ARHGAP6: variants seen among roughly 807,000 people sequenced by gnomAD.
The protein encoded by ARHGAP6 is Rho GTPase activating protein 6.
Under a neutral mutation model 55.7 loss-of-function variants are expected in ARHGAP6, and 16 were observed. That is an observed-to-expected ratio of 0.29 (90% CI 0.19 to 0.44). The LOEUF (loss-of-function observed/expected upper bound fraction) is 0.44. Among genes scored for constraint, ARHGAP6 ranks in the 20% least tolerant of loss-of-function variants. The pLI is 1.00. For synonymous variants in ARHGAP6, 382 were observed against 360.9 expected (o/e 1.06, Z -0.66); for missense variants, 698 against 808.9 (o/e 0.86, Z 1.66).
intron 1 of ARHGAP6, among the ~76,000 whole-genome samples, chrX:11,303,151 T>C (rs369771130): frequency 2.5e-4 from 28 of 112,819 alleles, no homozygotes; most frequent in African/African-American, 8.7e-4. Flanking sequence ...TTAGTAGTAC[T>C]CCACATTGCT....
intron 1 of ARHGAP6, among the ~76,000 whole-genome samples, chrX:11,275,976 C>A (rs2047758468): frequency 9.0e-6 from 1 of 111,577 alleles, no homozygotes; most frequent in Non-Finnish European, 1.9e-5. Flanking sequence ...TTACTATGGA[C>A]CTATAAGGAA....
intron 2 of ARHGAP6, chrX:11,224,378 T>C: frequency 1.7e-6 from 1 of 586,544 alleles, no homozygotes; most frequent in Non-Finnish European, 2.2e-6. Context: ...ACCTATTGTA[T>C]CAATGTCTCA....
At position 11,466,547 on chromosome X, in the gene ARHGAP6, C is replaced by G. The variant is rs781296311; in HGVS notation, c.588+197694G>C. Among the ~76,000 whole-genome samples, 4 of 111,773 alleles carry G rather than the reference C, an allele frequency of 3.6e-5. No homozygotes were observed. In the South Asian group the frequency reaches 1.5e-3, roughly 42 times the overall value. On this transcript the variant is annotated intron_variant, in intron 1 of 12. Coordinates refer to ENST00000337414, the MANE Select transcript of ARHGAP6 (RefSeq NM_013427.3). ...AGACACAAAGTCTTGTTCTGTCACC[C>G]AGGCTGGAGTGCAGTGGCACAATTA...
At chrX:11,391,037 C>G (rs1175602794) in intron 1 of ARHGAP6, among the ~76,000 whole-genome samples, 2 of 111,954 alleles carry the variant, frequency 1.8e-5, no homozygotes, top group African/African-American at 6.5e-5. Flanking sequence ...TGGCACTATT[C>G]ACAATAGCAA....
At chrX:11,156,297 A>G (rs2045861311) in intron 10 of ARHGAP6, among the ~76,000 whole-genome samples, 1 of 112,348 alleles carries the variant, frequency 8.9e-6, no homozygotes, top group Admixed American at 9.4e-5. Context: ...GAGGCTAGAG[A>G]AAGCTGAAAA....
chrX:11,300,255 T>C (rs1295011714), intron 1 of ARHGAP6, among the ~76,000 whole-genome samples: 1 of 112,116 alleles, frequency 8.9e-6, no homozygotes, highest in African/African-American at 3.2e-5. Flanking sequence ...CAGTTTCTTT[T>C]TGTGTAAAAT....
chrX:11,556,083 C>A (rs1251390851), intron 1 of ARHGAP6, among the ~76,000 whole-genome samples: 1 of 111,297 alleles, frequency 9.0e-6, no homozygotes, highest in African/African-American at 3.3e-5. Flanking sequence ...CCCTACTCTG[C>A]GCCAAATACT....
intron 1 of ARHGAP6, among the ~76,000 whole-genome samples, chrX:11,555,255 T>C (rs1221604153): frequency 8.1e-5 from 9 of 111,699 alleles, no homozygotes; most frequent in Non-Finnish European, 1.3e-4. Context: ...ACAAAGGAGG[T>C]AGTCCTCATG....
At chrX:11,590,177 T>C (rs1053044326) in intron 1 of ARHGAP6, among the ~76,000 whole-genome samples, 2 of 111,913 alleles carry the variant, frequency 1.8e-5, no homozygotes, top group Admixed American at 1.9e-4. Flanking sequence ...TGGAGATTTT[T>C]AAAAATCTAC....
intron 1 of ARHGAP6, among the ~76,000 whole-genome samples, chrX:11,512,073 G>A (rs1427839988): frequency 1.8e-5 from 2 of 111,026 alleles, no homozygotes; most frequent in South Asian, 7.6e-4. Flanking sequence ...TGATCTGTCC[G>A]CCTTGGCCTC....
intron 1 of ARHGAP6, among the ~76,000 whole-genome samples, chrX:11,534,576 C>T (rs755418548): frequency 9.1e-6 from 1 of 109,685 alleles, no homozygotes; most frequent in Non-Finnish European, 1.9e-5. Flanking sequence ...ACTGTCTTCT[C>T]GGGGGCAAAA....
chrX:11,658,182 T>C (rs1367591679), intron 1 of ARHGAP6, among the ~76,000 whole-genome samples: 1 of 111,634 alleles, frequency 9.0e-6, no homozygotes, highest in Non-Finnish European at 1.9e-5. Flanking sequence ...ATAAGCAATT[T>C]GGAGCTAGAT....
At chrX:11,459,918 G>A (rs1158565605) in intron 1 of ARHGAP6, among the ~76,000 whole-genome samples, 1 of 110,375 alleles carries the variant, frequency 9.1e-6, no homozygotes, top group Non-Finnish European at 1.9e-5. Flanking sequence ...ATGAATTAGT[G>A]TTAAAAAAAA....
chrX:11,568,593 C>T (rs1267134783), intron 1 of ARHGAP6, among the ~76,000 whole-genome samples: 1 of 110,769 alleles, frequency 9.0e-6, no homozygotes, highest in Admixed American at 9.6e-5. Flanking sequence ...CCTGTCTCTA[C>T]TAAAAATACA....
At chrX:11,475,169 G>A (rs982567007) in intron 1 of ARHGAP6, among the ~76,000 whole-genome samples, 3 of 111,300 alleles carry the variant, frequency 2.7e-5, no homozygotes, top group Non-Finnish European at 5.7e-5. Flanking sequence ...CCATAATAGC[G>A]CTATATGATC....
chrX:11,517,292 T>A (rs1230033185), intron 1 of ARHGAP6, among the ~76,000 whole-genome samples: 1 of 111,851 alleles, frequency 8.9e-6, no homozygotes, highest in Admixed American at 9.5e-5. Flanking sequence ...TACTGCCTTA[T>A]CTATTGGCCA....
chrX:11,434,588 A>T (rs1430042325), intron 1 of ARHGAP6, among the ~76,000 whole-genome samples: 1 of 111,173 alleles, frequency 9.0e-6, no homozygotes, highest in African/African-American at 3.3e-5. Flanking sequence ...CAGGAGTAGG[A>T]TGAATGATGA....
chrX:11,546,605 T>C (rs1215380412), intron 1 of ARHGAP6, among the ~76,000 whole-genome samples: 2 of 111,932 alleles, frequency 1.8e-5, no homozygotes, highest in Non-Finnish European at 3.8e-5. Flanking sequence ...TCACTCTTCC[T>C]ATCTCAATAG....
rs915521855 is a variant in ARHGAP6 at position 11,647,257 on chromosome X, A to G, written c.588+16984T>C. On this transcript the variant is annotated intron_variant, in intron 1 of 12. Coordinates refer to ENST00000337414, the MANE Select transcript of ARHGAP6 (RefSeq NM_013427.3). ...TTGTGTGTTTATTCTAGCACTGTTA[A>G]TAAGAGAGAAGTAAGCAACCAATGA... 7.1e-5 allele frequency among the ~76,000 whole-genome samples: 8 copies of G among 112,404 alleles called. 1 individual carries two copies. The highest frequency in any genetic ancestry group is 3.8e-4 in the Admixed American group (4 of 10,620).
Sources: gnomAD v4.1 joint callset for allele counts (sites outside exome capture counted in the v4.1 genomes callset) on GRCh38, gnomAD v4.1.1 for gene constraint, MANE v1.5 for transcripts, NCBI Gene and HGNC (gene_info 2026-07-23, HGNC 2026-07-21) for gene names.